The following RNF13 variants were observed in gnomAD, a reference collection of about 807,000 sequenced individuals.
The protein encoded by RNF13 is ring finger protein 13.
In RNF13, 19 loss-of-function variants were observed where a neutral mutation model predicts 37.7. The observed-to-expected ratio is 0.50, with a 90% CI of 0.35 to 0.74. RNF13 has a LOEUF of 0.74. Among genes scored for constraint, RNF13 ranks in the 30% least tolerant of loss-of-function variants. The pLI, the probability that RNF13 is intolerant of heterozygous loss-of-function variation, is 0.01. For synonymous variants in RNF13, 144 were observed against 157.8 expected (o/e 0.91, Z 0.65); for missense variants, 375 against 453.0 (o/e 0.83, Z 1.56).
rs77135650 is a variant in RNF13, at chr3:149,863,411, G to A, written c.196-8618G>A. On this transcript the variant is annotated intron_variant, in intron 3 of 9. Coordinates refer to ENST00000392894, the MANE Select transcript of RNF13 (RefSeq NM_183381.3). ...TTTTTATTTTTTAAGATGGAGACTC[G>A]CTCTGTCATGCAGGCTGGAGTGCAA... 1.1e-3 allele frequency among the ~76,000 whole-genome samples: 168 copies of A among 152,090 alleles called. 1 individual carries two copies. The highest frequency in any genetic ancestry group is 2.0e-3 in the Non-Finnish European group (138 of 67,968).
chr3:149,827,116 A>T lies in RNF13; in HGVS notation c.-17+13763A>T, dbSNP rs1344207186. Among the ~76,000 whole-genome samples, 3 of 152,176 alleles carry T rather than the reference A, an allele frequency of 2.0e-5. No homozygotes were observed. The East Asian group carries it at 5.8e-4, about 29-fold the overall frequency. The stretch of plus-strand genomic sequence containing the variant: ...TGGCCCTCTGTATCCATGGCTCTGT[A>T]TCTGTGGATTCAACCAGTATTCAAA... On this transcript the variant is annotated intron_variant, in intron 1 of 9. Coordinates refer to ENST00000392894, the MANE Select transcript of RNF13 (RefSeq NM_183381.3).
chr3:149,919,528 T>C (rs934718132), intron 7 of RNF13, among the ~76,000 whole-genome samples: 1 of 152,232 alleles, frequency 6.6e-6, no homozygotes, highest in African/African-American at 2.4e-5. Flanking sequence ...CTGTCTTCTT[T>C]CTGTCACCGT....
chr3:149,958,350 C>T (rs1416642355), intron 8 of RNF13, among the ~76,000 whole-genome samples: 4 of 152,316 alleles, frequency 2.6e-5, no homozygotes, highest in South Asian at 2.1e-4. Context: ...AATTCCTTGA[C>T]TTGTGACCCT....
intron 1 of RNF13, among the ~76,000 whole-genome samples, chr3:149,837,028 G>A (rs1721691675): frequency 1.3e-5 from 2 of 152,166 alleles, no homozygotes; most frequent in Admixed American, 1.3e-4. Flanking sequence ...GTTTCAGTTT[G>A]GGAAGATGAG....
chr3:149,923,764 C>CAAAA (rs375634287), intron 8 of RNF13, among the ~76,000 whole-genome samples: 1 of 54,996 alleles, frequency 1.8e-5, no homozygotes, highest in Non-Finnish European at 3.7e-5. Flanking sequence ...GACTCCATCT[C>CAAAA]AAAAAAAAAA....
intron 6 of RNF13, among the ~76,000 whole-genome samples, chr3:149,910,561 T>A (rs1716895499): frequency 6.6e-6 from 1 of 152,196 alleles, no homozygotes; most frequent in African/African-American, 2.4e-5. Flanking sequence ...GCATACATGT[T>A]ATTTGTCTTA....
chr3:149,939,235 G>T (rs568927820), intron 8 of RNF13: 3 of 499,898 alleles, frequency 6.0e-6, no homozygotes, highest in South Asian at 3.1e-5. Flanking sequence ...GGAGTATCTC[G>T]TATGGATTTC....
intron 1 of RNF13, among the ~76,000 whole-genome samples, chr3:149,825,825 A>G (rs1019980854): frequency 2.6e-5 from 4 of 152,222 alleles, no homozygotes; most frequent in Non-Finnish European, 4.4e-5. Flanking sequence ...AAAAGTGTAT[A>G]CTTTGATAAG....
intron 8 of RNF13, among the ~76,000 whole-genome samples, chr3:149,958,034 A>G (rs1722028300): frequency 6.6e-6 from 1 of 152,210 alleles, no homozygotes; most frequent in African/African-American, 2.4e-5. Context: ...AAAATATGGG[A>G]TATTAATATA....
At chr3:149,910,220 C>T (rs1263294531) in intron 6 of RNF13, among the ~76,000 whole-genome samples, 1 of 152,140 alleles carries the variant, frequency 6.6e-6, no homozygotes, top group African/African-American at 2.4e-5. Flanking sequence ...AGCTGGCTGG[C>T]CTCGTGCTGG....
At chr3:149,937,359 A>G (rs1471805406) in intron 8 of RNF13, among the ~76,000 whole-genome samples, 1 of 152,276 alleles carries the variant, frequency 6.6e-6, no homozygotes, top group Admixed American at 6.5e-5. Context: ...CCAGTGCCTA[A>G]TAACTTAAGG....
intron 4 of RNF13, among the ~76,000 whole-genome samples, chr3:149,880,051 A>G (rs1169774651): frequency 6.6e-6 from 1 of 152,220 alleles, no homozygotes. Context: ...GCAGTAATGG[A>G]GGAGTATACT....
intron 4 of RNF13, among the ~76,000 whole-genome samples, chr3:149,893,367 G>C (rs939507385): frequency 3.3e-5 from 5 of 152,134 alleles, no homozygotes; most frequent in African/African-American, 1.2e-4. Context: ...TTTTGTATTA[G>C]CAGGAAACAG....
chr3:149,835,618 C>T (rs2108349768), intron 1 of RNF13, among the ~76,000 whole-genome samples: 1 of 145,378 alleles, frequency 6.9e-6, no homozygotes, highest in South Asian at 2.2e-4. Context: ...ATTTTTATGG[C>T]TGCGTAGTAT....
At position 149,960,802 on chromosome 3, in the gene RNF13, A is replaced by G. The variant is rs756736536; in HGVS notation, c.844A>G (p.Lys282Glu). 2 of 1,614,060 alleles carry G rather than the reference A, an allele frequency of 1.2e-6. No individual in the cohort carries two copies. Among genetic ancestry groups the G allele is most frequent in the South Asian group, 1.1e-5 (1 of 91,080 alleles). ...TKTKKTCPVC[K>E]QKVVPSQGDS... ...AACCAAAAAAACCTGTCCAGTGTGC[A>G]AGCAAAAAGTTGTTCCTTCTCAAGG... is the stretch of plus-strand genomic sequence containing the variant. Residue 282 changes from lysine to glutamate, a missense_variant, in exon 10 of 10, where the codon AAG (lysine) becomes GAG (glutamate). Physicochemically the swap from Lys to Glu is moderately conservative, Grantham distance 56. Transcript: ENST00000392894.
chr3:149,879,735 T>C (rs1253017588), intron 4 of RNF13, among the ~76,000 whole-genome samples: 1 of 152,238 alleles, frequency 6.6e-6, no homozygotes, highest in Non-Finnish European at 1.5e-5. Context: ...AATAAAGTGA[T>C]GTTAAGTATA....
chr3:149,821,991 C>A (rs188825783), intron 1 of RNF13, among the ~76,000 whole-genome samples: 28 of 152,194 alleles, frequency 1.8e-4, no homozygotes, highest in African/African-American at 5.3e-4. Context: ...AATTCTACTC[C>A]TTTGGTCTAT....
chr3:149,837,405 C>T (rs1721730214), intron 1 of RNF13, among the ~76,000 whole-genome samples: 1 of 152,156 alleles, frequency 6.6e-6, no homozygotes, highest in Admixed American at 6.5e-5. Flanking sequence ...CAAATAAGGA[C>T]TTTTTCATAC....
chr3:149,816,603 G>C (rs1045309194), intron 1 of RNF13, among the ~76,000 whole-genome samples: 1 of 151,368 alleles, frequency 6.6e-6, no homozygotes, highest in Non-Finnish European at 1.5e-5. Flanking sequence ...TTCCACATAA[G>C]GACACTGCCC....
Sources: allele counts gnomAD v4.1 joint callset (sites outside exome capture counted in the v4.1 genomes callset), GRCh38; gene constraint gnomAD v4.1.1; transcripts MANE v1.5; gene names NCBI Gene and HGNC (gene_info 2026-07-23, HGNC 2026-07-21).